TMEM135: variants seen among roughly 807,000 people sequenced by gnomAD.
TMEM135 encodes peroxisomal membrane protein 52.
A neutral mutation model predicts 60.3 loss-of-function variants in TMEM135; 30 were observed. The ratio of observed to expected loss-of-function variants is 0.50; its 90% CI spans 0.37 to 0.68. TMEM135 has a LOEUF of 0.68. Ranked by LOEUF, TMEM135 falls within the 30% of genes least tolerant of loss-of-function variation. The pLI is 0.00. For missense variants in TMEM135, 468 were observed against 548.8 expected (o/e 0.85, Z 1.47); for synonymous variants, 190 against 186.7 (o/e 1.02, Z -0.14).
intron 5 of TMEM135, among the ~76,000 whole-genome samples, chr11:87,201,211 C>T (rs1224000669): frequency 6.6e-6 from 1 of 152,058 alleles, no homozygotes; most frequent in African/African-American, 2.4e-5. Context: ...AGATCTTGCT[C>T]CTGATACATC....
chr11:87,149,121 A>C (rs1938487906), intron 4 of TMEM135, among the ~76,000 whole-genome samples: 1 of 152,048 alleles, frequency 6.6e-6, no homozygotes. Context: ...AAAAGTTAGA[A>C]AAAATTTAGC....
At position 87,328,061 on chromosome 11, in the gene TMEM135, C is replaced by CT. The variant is rs1205129820; in HGVS notation, c.*6730dup. On this transcript the variant is annotated 3_prime_UTR_variant, in exon 15 of 15. Transcript: ENST00000305494. The stretch of plus-strand genomic sequence containing the variant: ...TGCCTTACCAGTTCTCTAGATATTC[C>CT]TTAATCCAGTCAAGTTGATGCCTAA... The CT allele has an allele frequency of 2.0e-5, 9 of 453,954 alleles. No individual in the cohort carries two copies. The highest frequency in any genetic ancestry group is 4.0e-5 in the African/African-American group (2 of 49,992). The allele number at this position is 453,954 out of a possible 1,614,324, so 28.1% of individuals were successfully genotyped here.
At chr11:87,127,049 AAAC>A (rs1408858827) in intron 4 of TMEM135, among the ~76,000 whole-genome samples, 3 of 152,210 alleles carry the variant, frequency 2.0e-5, no homozygotes, top group African/African-American at 7.2e-5. Context: ...GCCTGGTAAA[AAAC>A]AACATTGATT....
At position 87,039,367 on chromosome 11, in the gene TMEM135, C is replaced by T. The variant is rs531595727; in HGVS notation, c.141+1181C>T. Among the ~76,000 whole-genome samples, 19 of 152,182 alleles carry T rather than the reference C, an allele frequency of 1.2e-4. No homozygotes were observed. The East Asian group carries it at 3.7e-3, about 29-fold the overall frequency. ...AAATGGGGGTTCTAATTCATTAGGT[C>T]CTGGTGGGGCCTGAACCTCTGCTTT... On this transcript the variant is annotated intron_variant, in intron 1 of 14. Coordinates refer to ENST00000305494, the MANE Select transcript of TMEM135 (RefSeq NM_022918.4).
At chr11:87,278,006 G>A (rs1459932519) in intron 6 of TMEM135, among the ~76,000 whole-genome samples, 1 of 152,076 alleles carries the variant, frequency 6.6e-6, no homozygotes, top group Non-Finnish European at 1.5e-5. Context: ...ATTCTGTTCA[G>A]AAATCCTCTG....
intron 6 of TMEM135, among the ~76,000 whole-genome samples, chr11:87,251,286 A>G (rs938721650): frequency 2.6e-5 from 4 of 152,148 alleles, no homozygotes; most frequent in Non-Finnish European, 5.9e-5. Context: ...AAAGTGTTCC[A>G]AGTATGGACT....
chr11:87,237,573 T>C (rs978327660), intron 6 of TMEM135, among the ~76,000 whole-genome samples: 1 of 151,948 alleles, frequency 6.6e-6, no homozygotes, highest in Non-Finnish European at 1.5e-5. Context: ...TTTAAAAAAA[T>C]TTTTATTTTT....
At chr11:87,193,935 G>A (rs478883) in intron 5 of TMEM135, among the ~76,000 whole-genome samples, 19,921 of 151,766 alleles carry the variant, frequency 0.13, 1,355 homozygotes, top group Non-Finnish European at 0.15. Context: ...CTGTGATAAA[G>A]AATTTTTGTG....
chr11:87,126,941 T>A (rs1937750367), intron 4 of TMEM135, among the ~76,000 whole-genome samples: 1 of 152,130 alleles, frequency 6.6e-6, no homozygotes, highest in Non-Finnish European at 1.5e-5. Flanking sequence ...GGGGGAATGA[T>A]TAAGAATTGG....
At chr11:87,225,256 G>A (rs1940740571) in intron 5 of TMEM135, among the ~76,000 whole-genome samples, 2 of 152,032 alleles carry the variant, frequency 1.3e-5, no homozygotes, top group Admixed American at 1.3e-4. Context: ...TGGCTCAATC[G>A]CCTAACTATC....
At chr11:87,267,427 G>A (rs939299434) in intron 6 of TMEM135, among the ~76,000 whole-genome samples, 10 of 152,068 alleles carry the variant, frequency 6.6e-5, no homozygotes, top group African/African-American at 2.4e-4. Flanking sequence ...AAAACTTGCT[G>A]TATCTGATTT....
chr11:87,080,408 C>T (rs933426328), intron 3 of TMEM135, among the ~76,000 whole-genome samples: 14 of 152,112 alleles, frequency 9.2e-5, no homozygotes, highest in African/African-American at 3.4e-4. Context: ...GAACAAATCT[C>T]TCCTTGTTGA....
At chr11:87,184,878 C>A (rs753742437) in intron 5 of TMEM135, among the ~76,000 whole-genome samples, 8 of 152,040 alleles carry the variant, frequency 5.3e-5, no homozygotes, top group African/African-American at 1.9e-4. Flanking sequence ...TGGCAAACAT[C>A]CTGTTTGCTA....
chr11:87,066,779 C>CTTTTTTTTTTTTT lies in TMEM135; in HGVS notation c.142-912_142-911insTTTTTTTTTTTTT, dbSNP rs201355341. 1.5e-5 allele frequency among the ~76,000 whole-genome samples: 2 copies of CTTTTTTTTTTTTT among 129,178 alleles called. 1 individual carries two copies. Among genetic ancestry groups the CTTTTTTTTTTTTT allele is most frequent in the Non-Finnish European group, 3.2e-5 (2 of 61,804 alleles). 84.7% of individuals were successfully genotyped at this position (129,178 alleles called of 152,430 possible). ...TACATACTTGTGTTGTTACTAGATT[C>CTTTTTTTTTTTTT]TTTCTTTTTTTTTTTTTTTTGAGAC... On this transcript the variant is annotated intron_variant, in intron 1 of 14. Transcript: ENST00000305494.
intron 4 of TMEM135, among the ~76,000 whole-genome samples, chr11:87,156,210 C>T (rs618926): frequency 6.6e-6 from 1 of 151,846 alleles, no homozygotes; most frequent in African/African-American, 2.4e-5. Flanking sequence ...TGTTCTATTC[C>T]ATTGTCTTAG....
At chr11:87,225,158 C>T (rs1270197132) in intron 5 of TMEM135, among the ~76,000 whole-genome samples, 1 of 151,950 alleles carries the variant, frequency 6.6e-6, no homozygotes, top group Non-Finnish European at 1.5e-5. Context: ...TTTGTAAATG[C>T]TATAAATCTT....
chr11:87,120,472 C>CTTTTTT (rs541561365), intron 4 of TMEM135, among the ~76,000 whole-genome samples: 28,556 of 103,144 alleles, frequency 0.28, 5,284 homozygotes, highest in East Asian at 0.54. Context: ...GATGAAATTT[C>CTTTTTT]TTTTTTTTTT....
chr11:87,314,543 T>C lies in TMEM135; in HGVS notation c.1073T>C (p.Val358Ala), dbSNP rs1942693396. The change falls in exon 12 of 15, where the codon GTA (valine) becomes GCA (alanine). Residue 358 changes from valine to alanine, a missense_variant. Transcript: ENST00000305494. ...TISMYLASKL[V>A]ETMYFKGIEA... ...TCCATGTATTTAGCGTCCAAATTGG[T>C]AGAGGTAAGCGAAATTTTTGTGCAA... The C allele has an allele frequency of 2.5e-6, 4 of 1,610,538 alleles. No homozygotes were observed. The highest frequency in any genetic ancestry group is 3.4e-6 in the Non-Finnish European group (4 of 1,177,548).
At chr11:87,155,642 T>C (rs566902389) in intron 4 of TMEM135, among the ~76,000 whole-genome samples, 2 of 152,258 alleles carry the variant, frequency 1.3e-5, no homozygotes, top group Admixed American at 6.5e-5. Flanking sequence ...CCTGTGGAAT[T>C]TGGGGCTAGA....
Sources: gnomAD v4.1 joint callset for allele counts (sites outside exome capture counted in the v4.1 genomes callset) on GRCh38, gnomAD v4.1.1 for gene constraint, MANE v1.5 for transcripts, NCBI Gene and HGNC (gene_info 2026-07-23, HGNC 2026-07-21) for gene names.